The following STOML3 variants were observed in gnomAD, a reference collection of about 807,000 sequenced individuals.
STOML3 encodes the protein stomatin like 3.
STOML3 carries 31 observed loss-of-function variants against 29.5 expected under a neutral mutation model. That is an observed-to-expected ratio of 1.05 (90% confidence interval 0.79 to 1.42). The LOEUF is 1.42. Among genes scored for constraint, STOML3 ranks in the 40% most tolerant of loss-of-function variants. STOML3 has a pLI of 0.00. For synonymous variants in STOML3, 122 were observed against 139.8 expected, an observed-to-expected ratio of 0.87 and a Z score of 0.90; for missense variants, 380 against 363.0, an observed-to-expected ratio of 1.05 and a Z score of -0.38.
At chr13:38,973,237 G>A (rs924827620) in intron 3 of STOML3, among the ~76,000 whole-genome samples, 7 of 151,286 alleles carry the variant, frequency 4.6e-5, no homozygotes, top group South Asian at 4.2e-4. Flanking sequence ...AGCCAAGATC[G>A]TGCCACTGCA....
chr13:38,986,369 T>C (rs1483229581), intron 1 of STOML3, among the ~76,000 whole-genome samples: 3 of 152,048 alleles, frequency 2.0e-5, no homozygotes, highest in Admixed American at 6.6e-5. Flanking sequence ...AATTTAAAAT[T>C]ATCATGTCAA....
intron 3 of STOML3, 82 bp downstream of exon 3, chr13:38,976,458 C>A: frequency 6.6e-7 from 1 of 1,516,534 alleles, no homozygotes; most frequent in Non-Finnish European, 9.1e-7. Flanking sequence ...TCAATAGGCA[C>A]CACCAGGAAA....
At chr13:38,968,322 T>C (rs1374043070) in intron 6 of STOML3, 78 bp downstream of exon 6, 4 of 1,534,278 alleles carry the variant, frequency 2.6e-6, no homozygotes, top group Non-Finnish European at 3.5e-6. Context: ...ACAGACCCAA[T>C]CTTCTGTTCA....
chr13:38,970,077 C>G, intron 5 of STOML3, 108 bp downstream of exon 5: 1 of 981,782 alleles, frequency 1.0e-6, no homozygotes, highest in Non-Finnish European at 1.5e-6. Context: ...TGAGTGTGTG[C>G]AAGCATGCAT....
In STOML3 at chr13:38,970,289, G is replaced by C; in HGVS notation, c.412C>G (p.Gln138Glu). Reference protein sequence around the residue: ...SAVANVNDVHQATFLLAQTTL... With the variant: ...SAVANVNDVHEATFLLAQTTL... ...GTTTGAGCCAGCAGAAATGTTGCTT[G>C]ATGGACATCGTTGACATTAGCCACT... Residue 138 changes from glutamine (Q) to glutamate (E), a missense_variant, in exon 5 of 7, where the codon CAA becomes GAA. Physicochemically the swap from Gln to Glu is conservative, Grantham distance 29 (BLOSUM62 2). Coordinates refer to ENST00000379631, the MANE Select transcript of STOML3 (RefSeq NM_145286.3). 2 of 1,614,162 alleles carry C rather than the reference G, an allele frequency of 1.2e-6. No homozygotes were observed. Among genetic ancestry groups the C allele is most frequent in the Non-Finnish European group, 1.7e-6 (2 of 1,180,014 alleles).
At chr13:38,968,292 CTTTCTCA>C (rs1880729178) in intron 6 of STOML3, 101 bp downstream of exon 6, 1 of 1,469,114 alleles carries the variant, frequency 6.8e-7, no homozygotes, top group South Asian at 1.4e-5. Flanking sequence ...AAAGAAACCC[CTTTCTCA>C]TGCAAATAAT....
chr13:38,980,088 A>G (rs1463478753), intron 1 of STOML3: 1 of 1,551,606 alleles, frequency 6.4e-7, no homozygotes, highest in Non-Finnish European at 8.7e-7. Flanking sequence ...AAGCCCTTGC[A>G]TCATTACACG....
intron 1 of STOML3, among the ~76,000 whole-genome samples, chr13:38,988,601 A>ATATTT (rs71074499): frequency 0.21 from 4,859 of 23,254 alleles, 450 homozygotes; most frequent in African/African-American, 0.36. Context: ...ATAATATATT[A>ATATTT]TATATCATAT....
chr13:38,978,479 T>C (rs1165097122), intron 1 of STOML3, among the ~76,000 whole-genome samples: 1 of 152,058 alleles, frequency 6.6e-6, no homozygotes, highest in Non-Finnish European at 1.5e-5. Flanking sequence ...TAAATCCTTG[T>C]TCCTCCTTAT....
At chr13:38,972,058 G>A (rs1880889134) in intron 4 of STOML3, among the ~76,000 whole-genome samples, 1 of 152,196 alleles carries the variant, frequency 6.6e-6, no homozygotes, top group South Asian at 2.1e-4. Flanking sequence ...TTTAAAGTCA[G>A]AAGCAAATGT....
chr13:38,988,366 A>G (rs1868767527), intron 1 of STOML3, among the ~76,000 whole-genome samples: 1 of 93,622 alleles, frequency 1.1e-5, no homozygotes, highest in Non-Finnish European at 1.7e-5. Context: ...TATATTTTAT[A>G]TAATATATTA....
At chr13:38,985,907 C>CTTT (rs1868500200) in intron 1 of STOML3, among the ~76,000 whole-genome samples, 73 of 23,586 alleles carry the variant, frequency 3.1e-3, no homozygotes, top group East Asian at 4.4e-3. Flanking sequence ...TTTTTCTTTT[C>CTTT]TTTCTTTTTT....
intron 1 of STOML3, among the ~76,000 whole-genome samples, chr13:38,986,329 C>T (rs2138026681): frequency 6.6e-6 from 1 of 152,136 alleles, no homozygotes; most frequent in African/African-American, 2.4e-5. Context: ...GCCACTATAC[C>T]TAGCCTATAT....
intron 1 of STOML3, 95 bp downstream of exon 1, chr13:38,990,575 T>C (rs1251489718): frequency 4.9e-6 from 6 of 1,218,692 alleles, no homozygotes; most frequent in Non-Finnish European, 5.7e-6. Flanking sequence ...TCTGCAAATA[T>C]ATCTCATACT....
chr13:38,989,609 C>T (rs1051702278), intron 1 of STOML3, among the ~76,000 whole-genome samples: 1 of 151,810 alleles, frequency 6.6e-6, no homozygotes, highest in East Asian at 1.9e-4. Flanking sequence ...CTCAAGCAAT[C>T]CTCCCACCTC....
Position 38,968,450 on chromosome 13 carries a change from G to A in STOML3, c.601C>T (p.Gln201Ter), listed in dbSNP as rs369769304. 2.5e-6 allele frequency: 4 copies of A among 1,614,072 alleles called. No individual in the cohort carries two copies. The highest frequency in any genetic ancestry group is 4.5e-5 in the East Asian group (2 of 44,856). The change falls in exon 6 of 7, where the codon CAG becomes TAG. Residue 201 changes from glutamine to a stop codon, truncating the protein, a stop_gained. Coordinates refer to ENST00000379631, the MANE Select transcript of STOML3 (RefSeq NM_145286.3). LOFTEE classifies it high-confidence loss of function. ...IKDVRIPVQL[Q>*]RSMAAEAEAT... ...TCAGCCTCGGCTGCCATGGATCTCT[G>A]CAACTGCACGGGAATCCGAACATCT...
Position 38,966,962 on chromosome 13 carries a change from G to T in STOML3, c.739C>A (p.Leu247Met), listed in dbSNP as rs1382996774. ...GTGCTCAAGGTCTGCAGGTAGCGCA[G>T]CTGGAGAGCTATGGGAGACTCAGCC... ...VLAESPIALQ[L>M]RYLQTLSTVA... Residue 247 changes from leucine to methionine, a missense_variant, in exon 7 of 7, where the codon CTG (leucine) becomes ATG (methionine). Physicochemically the swap from Leu to Met is conservative, Grantham distance 15. Transcript: ENST00000379631. 13 of 1,614,012 alleles carry T rather than the reference G, an allele frequency of 8.1e-6. No homozygotes were observed. Among genetic ancestry groups the T allele is most frequent in the Non-Finnish European group, 8.5e-6 (10 of 1,180,054 alleles).
chr13:38,978,191 T>C (rs1267054936), intron 1 of STOML3, among the ~76,000 whole-genome samples: 3 of 152,098 alleles, frequency 2.0e-5, no homozygotes, highest in Non-Finnish European at 4.4e-5. Context: ...TCTCATTCTG[T>C]CGCCCAGGCT....
intron 1 of STOML3, among the ~76,000 whole-genome samples, chr13:38,979,835 G>A (rs1881211966): frequency 6.6e-6 from 1 of 152,162 alleles, no homozygotes; most frequent in Non-Finnish European, 1.5e-5. Context: ...TGTTTGGTGT[G>A]TTTCCTCCCT....
Sources: gnomAD v4.1 joint callset for allele counts (sites outside exome capture counted in the v4.1 genomes callset) on GRCh38, gnomAD v4.1.1 for gene constraint, MANE v1.5 for transcripts, NCBI Gene and HGNC (gene_info 2026-07-23, HGNC 2026-07-21) for gene names.